PRKG1: variants seen among roughly 807,000 people sequenced by gnomAD.
The protein encoded by PRKG1 is cGMP-dependent protein kinase 1.
In PRKG1, 35 loss-of-function variants were observed where a neutral mutation model predicts 88.1. The observed-to-expected ratio is 0.40, with a 90% CI of 0.30 to 0.53. PRKG1 has a LOEUF of 0.53. PRKG1 is among the 20% of genes least tolerant of loss of function. The pLI is 0.59. For missense variants in PRKG1, 540 were observed against 839.8 expected, an observed-to-expected ratio of 0.64 and a Z score of 4.41; for synonymous variants, 303 against 292.5, an observed-to-expected ratio of 1.04 and a Z score of -0.37.
At chr10:51,148,107 A>G (rs1845983286) in intron 1 of PRKG1, 1 of 267,532 alleles carries the variant, frequency 3.7e-6, no homozygotes, top group Non-Finnish European at 5.7e-6. Flanking sequence ...TTCACAATAG[A>G]TGGATGGAGT....
intron 9 of PRKG1, among the ~76,000 whole-genome samples, chr10:52,195,893 T>A (rs1019184278): frequency 1.3e-5 from 2 of 152,198 alleles, no homozygotes; most frequent in African/African-American, 2.4e-5. Flanking sequence ...TTGGATATAG[T>A]CAGGAAAAAG....
At chr10:52,229,842 G>A (rs1245961474) in intron 9 of PRKG1, among the ~76,000 whole-genome samples, 6 of 152,144 alleles carry the variant, frequency 3.9e-5, no homozygotes, top group African/African-American at 1.4e-4. Context: ...ATTGTGAAAA[G>A]TATATTAAAT....
At chr10:52,148,726 A>G (rs1490686957) in intron 8 of PRKG1, among the ~76,000 whole-genome samples, 3 of 152,132 alleles carry the variant, frequency 2.0e-5, no homozygotes, top group Admixed American at 1.3e-4. Flanking sequence ...GAAGGCGAGC[A>G]GGACCCTGAA....
At chr10:52,225,380 T>C (rs184806007) in intron 9 of PRKG1, among the ~76,000 whole-genome samples, 1 of 152,338 alleles carries the variant, frequency 6.6e-6, no homozygotes, top group East Asian at 1.9e-4. Flanking sequence ...AGATTCTGGA[T>C]ATTAGTCCTT....
chr10:51,395,897 G>T (rs2132657614), intron 2 of PRKG1, among the ~76,000 whole-genome samples: 1 of 152,300 alleles, frequency 6.6e-6, no homozygotes, highest in East Asian at 1.9e-4. Context: ...GCCCTAGAAA[G>T]ATTTCCTGTC....
At chr10:51,167,452 G>A (rs1031692174) in intron 2 of PRKG1, among the ~76,000 whole-genome samples, 8 of 152,318 alleles carry the variant, frequency 5.3e-5, no homozygotes, top group African/African-American at 1.9e-4. Context: ...GCTTTTCTAA[G>A]AGATTTCGAG....
chr10:51,706,559 G>A (rs1316230180), intron 3 of PRKG1, among the ~76,000 whole-genome samples: 2 of 152,062 alleles, frequency 1.3e-5, no homozygotes, highest in Admixed American at 1.3e-4. Context: ...TGACGCCCAG[G>A]AAAGGAAAGA....
intron 3 of PRKG1, among the ~76,000 whole-genome samples, chr10:51,712,107 T>C (rs1841766887): frequency 6.6e-6 from 1 of 152,192 alleles, no homozygotes; most frequent in Admixed American, 6.5e-5. Flanking sequence ...TGTAATTTTA[T>C]GCTAAGTTTG....
At chr10:51,008,704 G>T (rs1212021671) in intron 1 of PRKG1, among the ~76,000 whole-genome samples, 2 of 152,018 alleles carry the variant, frequency 1.3e-5, no homozygotes, top group African/African-American at 4.8e-5. Flanking sequence ...TTCAAATAAG[G>T]TCACAGTTGT....
chr10:52,248,044 G>A (rs556712238), intron 9 of PRKG1, among the ~76,000 whole-genome samples: 3 of 152,328 alleles, frequency 2.0e-5, no homozygotes, highest in East Asian at 1.9e-4. Context: ...AAAGAAATAC[G>A]TTGGGCTAGT....
chr10:52,137,478 T>C (rs1837459553), intron 8 of PRKG1, among the ~76,000 whole-genome samples: 1 of 152,048 alleles, frequency 6.6e-6, no homozygotes. Flanking sequence ...GAAATAAATA[T>C]AAAACTAAGT....
chr10:52,129,694 G>A (rs530467154), intron 7 of PRKG1, among the ~76,000 whole-genome samples: 58 of 152,214 alleles, frequency 3.8e-4, no homozygotes, highest in African/African-American at 1.3e-3. Flanking sequence ...AAGCAATATA[G>A]CAGGCTAGGA....
At chr10:51,954,915 A>G (rs561746641) in intron 5 of PRKG1, among the ~76,000 whole-genome samples, 63 of 152,246 alleles carry the variant, frequency 4.1e-4, no homozygotes, top group African/African-American at 1.5e-3. Flanking sequence ...TTCAGTAATT[A>G]TCAACATTTT....
At chr10:52,082,021 C>G (rs529327378) in intron 7 of PRKG1, among the ~76,000 whole-genome samples, 2 of 152,100 alleles carry the variant, frequency 1.3e-5, no homozygotes, top group Non-Finnish European at 2.9e-5. Context: ...CACAGTTCTG[C>G]GTGGCTAGGG....
intron 2 of PRKG1, among the ~76,000 whole-genome samples, chr10:51,270,317 T>C (rs555016402): frequency 1.3e-5 from 2 of 152,274 alleles, no homozygotes; most frequent in African/African-American, 2.4e-5. Context: ...TTTTAAAAGG[T>C]AGATTATCTT....
At chr10:51,398,753 C>T (rs1439219455) in intron 2 of PRKG1, among the ~76,000 whole-genome samples, 5 of 152,146 alleles carry the variant, frequency 3.3e-5, no homozygotes, top group South Asian at 2.1e-4. Context: ...GACTGCTTTA[C>T]GCACCAGTGT....
At chr10:51,357,265 C>A (rs1279013534) in intron 2 of PRKG1, among the ~76,000 whole-genome samples, 1 of 151,870 alleles carries the variant, frequency 6.6e-6, no homozygotes, top group African/African-American at 2.4e-5. Context: ...GAACCTAAAC[C>A]CTTTGGATTA....
chr10:52,163,225 T>G (rs201484309), intron 9 of PRKG1, among the ~76,000 whole-genome samples: 3 of 146,762 alleles, frequency 2.0e-5, no homozygotes, highest in African/African-American at 7.5e-5. Flanking sequence ...TTTCGTGTGT[T>G]TGTGTGTGTG....
chr10:52,145,811 G>A (rs1328267783), intron 8 of PRKG1, among the ~76,000 whole-genome samples: 3 of 152,108 alleles, frequency 2.0e-5, no homozygotes, highest in East Asian at 1.9e-4. Context: ...GTTGGTACTC[G>A]TTTTGGAACT....
Sources: allele counts gnomAD v4.1 joint callset (sites outside exome capture counted in the v4.1 genomes callset), GRCh38; gene constraint gnomAD v4.1.1; transcripts MANE v1.5; gene names NCBI Gene and HGNC (gene_info 2026-07-23, HGNC 2026-07-21).